LSAMP: variants seen among roughly 807,000 people sequenced by gnomAD.
LSAMP encodes limbic system-associated membrane protein.
Under a neutral mutation model 38.6 loss-of-function variants are expected in LSAMP, and 7 were observed. The observed-to-expected ratio is 0.18, with a 90% confidence interval of 0.10 to 0.34. The LOEUF is 0.34. LSAMP is among the 10% of genes least tolerant of loss of function. The pLI, the probability that LSAMP is intolerant of heterozygous loss-of-function variation, is 1.00. For synonymous variants in LSAMP, 154 were observed against 166.8 expected (o/e 0.92, Z 0.59); for missense variants, 313 against 420.0 (o/e 0.75, Z 2.23).
intron 3 of LSAMP, among the ~76,000 whole-genome samples, chr3:115,923,280 A>C (rs1393136694): frequency 6.6e-6 from 1 of 152,158 alleles, no homozygotes; most frequent in Non-Finnish European, 1.5e-5. Flanking sequence ...TTGATGAAGA[A>C]ATTGCGAGCC....
Position 115,930,002 on chromosome 3 carries a change from G to GTTTTTTTTTTTTTTTTTTTTTTTTTT in LSAMP, c.515-77386_515-77385insAAAAAAAAAAAAAAAAAAAAAAAAAA, listed in dbSNP as rs1170325465. Among the ~76,000 whole-genome samples the GTTTTTTTTTTTTTTTTTTTTTTTTTT allele has an allele frequency of 6.2e-5, 5 of 80,292 alleles. 1 individual carries two copies. Among genetic ancestry groups the GTTTTTTTTTTTTTTTTTTTTTTTTTT allele is most frequent in the South Asian group, 1.1e-3 (2 of 1,802 alleles). The allele number at this position is 80,292 out of a possible 152,430, so 52.7% of individuals were successfully genotyped here. A position where few individuals can be genotyped will look rare whatever the true frequency, so the allele number is the denominator to read the frequency against. On this transcript the variant is annotated intron_variant, in intron 3 of 6. Coordinates refer to ENST00000490035, the MANE Select transcript of LSAMP (RefSeq NM_002338.5). Reference sequence around the variant, plus strand: ...ATCCAGATCTATAAATTTAGCAGAAGTTTTTTTTTTTTTTTTTTTTTTTTG... The same window carrying GTTTTTTTTTTTTTTTTTTTTTTTTTT: ...ATCCAGATCTATAAATTTAGCAGAAGTTTTTTTTTTTTTTTTTTTTTTTTTTTTTTTTTTTTTTTTTTTTTTTTTTG...
At chr3:115,962,626 G>T (rs1170532269) in intron 3 of LSAMP, among the ~76,000 whole-genome samples, 4 of 152,162 alleles carry the variant, frequency 2.6e-5, no homozygotes, top group African/African-American at 9.7e-5. Context: ...ATCTCTAAGT[G>T]GTAAATTGCT....
At chr3:116,211,509 C>T (rs13091971) in intron 1 of LSAMP, among the ~76,000 whole-genome samples, 91,882 of 151,518 alleles carry the variant, frequency 0.61, 28,487 homozygotes, top group East Asian at 0.76. Flanking sequence ...AAGCAATAAC[C>T]AAGACTCTAT....
intron 6 of LSAMP, among the ~76,000 whole-genome samples, chr3:115,830,930 C>A (rs1934588458): frequency 6.6e-6 from 1 of 152,146 alleles, no homozygotes; most frequent in South Asian, 2.1e-4. Flanking sequence ...GAACATGAGT[C>A]CCCCTTAGGG....
intron 1 of LSAMP, among the ~76,000 whole-genome samples, chr3:116,278,909 C>T (rs76879994): frequency 0.022 from 3,340 of 152,252 alleles, 104 homozygotes; most frequent in African/African-American, 0.076. Context: ...CCTAAAGTCA[C>T]CTGCTCCAAG....
At position 115,842,413 on chromosome 3, in the gene LSAMP, G is replaced by A. The variant is rs772989321; in HGVS notation, c.770+45C>T. On this transcript the variant is annotated intron_variant, in intron 5 of 6. Coordinates refer to ENST00000490035, the MANE Select transcript of LSAMP (RefSeq NM_002338.5). ...TGTTGTGGGGATTCTGGTGTCCCCA[G>A]GCCCATGCAGTGGAGTCATGGGGGA... The A allele has an allele frequency of 3.7e-6, 6 of 1,605,196 alleles. No homozygotes were observed. In the Admixed American group the frequency reaches 5.0e-5, roughly 13 times the overall value.
rs561369479 is a variant in LSAMP at position 116,191,388 on chromosome 3, C to G, written c.156-104832G>C. Among the ~76,000 whole-genome samples, 4 of 152,186 alleles carry G rather than the reference C, an allele frequency of 2.6e-5. No individual in the cohort carries two copies. In the South Asian group the frequency reaches 8.3e-4, roughly 32 times the overall value. ...AAGGGGCAAACATTGAGACATCACC[C>G]TAAGGGATCTACAGGTGGGTTTTAG... On this transcript the variant is annotated intron_variant, in intron 1 of 6. Coordinates refer to ENST00000490035, the MANE Select transcript of LSAMP (RefSeq NM_002338.5).
intron 3 of LSAMP, among the ~76,000 whole-genome samples, chr3:115,990,195 T>C (rs935253544): frequency 2.0e-5 from 3 of 152,044 alleles, no homozygotes; most frequent in African/African-American, 7.2e-5. Context: ...GATAGAAATC[T>C]CCCTGCACTT....
At position 115,899,774 on chromosome 3, in the gene LSAMP, G is replaced by T. The variant is rs181083640; in HGVS notation, c.515-47157C>A. ...AGATTCTTAAATATCCTGAGAAGGG[G>T]ACATGGCATCTGGCTCTGCTTTAAA... is the stretch of plus-strand genomic sequence containing the variant. On this transcript the variant is annotated intron_variant, in intron 3 of 6. Coordinates refer to ENST00000490035, the MANE Select transcript of LSAMP (RefSeq NM_002338.5). Among the ~76,000 whole-genome samples the T allele has an allele frequency of 5.9e-5, 9 of 152,298 alleles. No individual in the cohort carries two copies. The East Asian group carries it at 1.7e-3, about 29-fold the overall frequency.
At chr3:116,219,116 C>T (rs533796210) in intron 1 of LSAMP, among the ~76,000 whole-genome samples, 1 of 152,260 alleles carries the variant, frequency 6.6e-6, no homozygotes, top group Non-Finnish European at 1.5e-5. Context: ...TCCCCATTTT[C>T]CCCTGCTTCT....
In LSAMP at chr3:116,302,155, C is replaced by A. The variant is rs72950120; in HGVS notation, c.155+142722G>T. On this transcript the variant is annotated intron_variant, in intron 1 of 6. Coordinates refer to ENST00000490035, the MANE Select transcript of LSAMP (RefSeq NM_002338.5). ...CCAATAATGCAATAGAAAAGATCCA[C>A]TTGTTATGGTAATCACCAGTGGCAT... 3.3e-3 allele frequency among the ~76,000 whole-genome samples: 500 copies of A among 152,320 alleles called. 3 individuals carry two copies. The highest frequency in any genetic ancestry group is 0.011 in the African/African-American group (454 of 41,568).
chr3:116,078,595 G>C (rs983220024), intron 2 of LSAMP, among the ~76,000 whole-genome samples: 2 of 152,038 alleles, frequency 1.3e-5, no homozygotes, highest in Admixed American at 6.6e-5. Flanking sequence ...CAGAGTGCTG[G>C]GATTACAGGC....
intron 6 of LSAMP, among the ~76,000 whole-genome samples, chr3:115,813,780 A>G (rs1306131899): frequency 6.6e-6 from 1 of 152,180 alleles, no homozygotes; most frequent in African/African-American, 2.4e-5. Context: ...AATCAGCAAA[A>G]TCATTAATTA....
chr3:116,291,697 G>A (rs1225855912), intron 1 of LSAMP, among the ~76,000 whole-genome samples: 1 of 152,126 alleles, frequency 6.6e-6, no homozygotes, highest in Non-Finnish European at 1.5e-5. Flanking sequence ...TGGCCCAGGT[G>A]TTTCTGATGC....
intron 3 of LSAMP, among the ~76,000 whole-genome samples, chr3:116,018,110 T>C (rs1940537247): frequency 6.6e-6 from 1 of 152,172 alleles, no homozygotes; most frequent in African/African-American, 2.4e-5. Context: ...TCAATGAGTT[T>C]AAGATTGCTC....
At chr3:116,091,830 G>A (rs945556571) in intron 1 of LSAMP, among the ~76,000 whole-genome samples, 3 of 152,212 alleles carry the variant, frequency 2.0e-5, no homozygotes, top group Non-Finnish European at 2.9e-5. Context: ...GTGCCACGAG[G>A]AGAGGATCAG....
intron 1 of LSAMP, among the ~76,000 whole-genome samples, chr3:116,152,581 A>T (rs1190150766): frequency 6.6e-6 from 1 of 152,040 alleles, no homozygotes; most frequent in Non-Finnish European, 1.5e-5. Flanking sequence ...TTATTGTAAC[A>T]ATTAATTGAT....
chr3:115,831,439 C>T (rs537786438), intron 6 of LSAMP, among the ~76,000 whole-genome samples: 21 of 152,278 alleles, frequency 1.4e-4, no homozygotes, highest in East Asian at 3.9e-4. Context: ...CCTTGTTTCA[C>T]GTCTTTTTAA....
At chr3:116,318,580 A>G (rs34905742) in intron 1 of LSAMP, among the ~76,000 whole-genome samples, 12,785 of 152,278 alleles carry the variant, frequency 0.084, 803 homozygotes, top group African/African-American at 0.18. Flanking sequence ...CATGGTTACA[A>G]TTTTAACTAA....
Sources: gnomAD v4.1 joint callset for allele counts (sites outside exome capture counted in the v4.1 genomes callset) on GRCh38, gnomAD v4.1.1 for gene constraint, MANE v1.5 for transcripts, NCBI Gene and HGNC (gene_info 2026-07-23, HGNC 2026-07-21) for gene names.